NOVA2: variants seen among roughly 807,000 people sequenced by gnomAD.
NOVA2 encodes RNA-binding protein Nova-2.
Under a neutral mutation model 22.5 loss-of-function variants are expected in NOVA2, and 9 were observed. That is an observed-to-expected ratio of 0.40 (90% confidence interval 0.24 to 0.70). The LOEUF (loss-of-function observed/expected upper bound fraction) is 0.70, where lower values mean the gene tolerates loss of function less well. NOVA2 is among the 30% of genes least tolerant of loss of function. The pLI is 0.38. For missense variants in NOVA2, 383 were observed against 682.8 expected (o/e 0.56, Z 4.89); for synonymous variants, 318 against 335.2 (o/e 0.95, Z 0.56).
chr19:45,955,912 C>T (rs973019779), intron 2 of NOVA2, among the ~76,000 whole-genome samples: 1 of 152,080 alleles, frequency 6.6e-6, no homozygotes, highest in Non-Finnish European at 1.5e-5. Context: ...GTGCACCAGG[C>T]ACCGTGTGGC....
At chr19:45,947,508 C>A (rs1967859855) in intron 3 of NOVA2, among the ~76,000 whole-genome samples, 1 of 149,776 alleles carries the variant, frequency 6.7e-6, no homozygotes, top group Non-Finnish European at 1.5e-5. Context: ...GAGTTTCGCT[C>A]TTTTGCCCAG....
chr19:45,942,674 CAGGATGAAGAAG>C (rs1043388432), intron 3 of NOVA2, among the ~76,000 whole-genome samples: 3 of 152,058 alleles, frequency 2.0e-5, no homozygotes, highest in Non-Finnish European at 4.4e-5. Context: ...GGGAACTCTC[CAGGATGAAGAAG>C]TTGGTCATTT....
intron 1 of NOVA2, chr19:45,967,612 C>T (rs987812353): frequency 6.6e-6 from 1 of 152,210 alleles, no homozygotes; most frequent in South Asian, 2.1e-4. Context: ...CGTCTTTCCC[C>T]TTCTAGTCAC....
In NOVA2 at chr19:45,940,683, G is replaced by A; in HGVS notation, c.659C>T (p.Pro220Leu). 6.2e-7 allele frequency: 1 copy of A among 1,601,482 alleles called. No homozygotes were observed. Among genetic ancestry groups the A allele is most frequent in the Non-Finnish European group, 8.5e-7 (1 of 1,174,944 alleles). The change falls in exon 4 of 4, where the codon CCC (proline) becomes CTC (leucine). Residue 220 changes from proline (P) to leucine (L), a missense_variant. Physicochemically the swap from Pro to Leu is moderately conservative, Grantham distance 98 (BLOSUM62 -3). Around this residue, in one of 2 missense-constraint regions of NOVA2, gnomAD observed 349 missense variants for 578.1 expected, o/e 0.60. Coordinates refer to ENST00000263257, the MANE Select transcript of NOVA2 (RefSeq NM_002516.4). ...GCCGGTGGGGTTGGAGTTGGCCACG[G>A]GGCCTGCCACGTTGGCGTAGCTGAT... Reference protein sequence around the residue: ...LNISYANVAGPVANSNPTGSP... With the variant: ...LNISYANVAGLVANSNPTGSP...
In NOVA2 at chr19:45,938,184, G is replaced by A. The variant is rs1247802782; in HGVS notation, c.*1679C>T. ...CTCAGCTATCCTAGTCTACATGGTT[G>A]TCAGGCCCTGAAATCTCAGTCTGCC... is the stretch of plus-strand genomic sequence containing the variant. On this transcript the variant is annotated 3_prime_UTR_variant, in exon 4 of 4. Coordinates refer to ENST00000263257, the MANE Select transcript of NOVA2 (RefSeq NM_002516.4). 1 of 152,234 alleles carries A rather than the reference G, an allele frequency of 6.6e-6. No individual in the cohort carries two copies. Among genetic ancestry groups the A allele is most frequent in the African/African-American group, 2.4e-5 (1 of 41,398 alleles). The allele number at this position is 152,234 out of a possible 1,614,324, so 9.4% of individuals were successfully genotyped here. A position where few individuals can be genotyped will look rare whatever the true frequency, so the allele number is the denominator to read the frequency against.
At chr19:45,963,465 C>A (rs553881166) in intron 1 of NOVA2, among the ~76,000 whole-genome samples, 2 of 152,232 alleles carry the variant, frequency 1.3e-5, no homozygotes, top group African/African-American at 4.8e-5. Context: ...ACGTGCCCTG[C>A]TCCTTCCCAC....
intron 2 of NOVA2, 130 bp from the exon 3 acceptor site, chr19:45,954,076 C>A: frequency 1.0e-6 from 1 of 991,174 alleles, no homozygotes; most frequent in Non-Finnish European, 1.5e-6. Context: ...ACACGGTGAG[C>A]CTGGGGGAGC....
chr19:45,963,896 C>A (rs1474698111), intron 1 of NOVA2, among the ~76,000 whole-genome samples: 2 of 152,074 alleles, frequency 1.3e-5, no homozygotes, highest in African/African-American at 4.8e-5. Flanking sequence ...GGAAGCTTTC[C>A]TTGAACCCCA....
chr19:45,962,584 T>G (rs188454148), intron 1 of NOVA2: 1 of 152,570 alleles, frequency 6.6e-6, no homozygotes, highest in East Asian at 1.9e-4. Context: ...AGCGGCAGCT[T>G]GTGGAGTTTT....
intron 3 of NOVA2, among the ~76,000 whole-genome samples, chr19:45,942,780 A>G (rs1199325761): frequency 6.6e-6 from 1 of 152,078 alleles, no homozygotes; most frequent in Non-Finnish European, 1.5e-5. Flanking sequence ...AGTCTGATCA[A>G]TCTTAATTCC....
chr19:45,971,237 G>T (rs1968228834), intron 1 of NOVA2, among the ~76,000 whole-genome samples: 1 of 152,162 alleles, frequency 6.6e-6, no homozygotes. Context: ...TCAGTGTTAA[G>T]TTGTGCTGAG....
intron 2 of NOVA2, among the ~76,000 whole-genome samples, chr19:45,956,615 G>A (rs1447382442): frequency 5.3e-5 from 8 of 152,230 alleles, no homozygotes; most frequent in East Asian, 3.9e-4. Flanking sequence ...GATTACAGGC[G>A]TGTGCCACCA....
At chr19:45,967,223 T>C (rs1968178808) in intron 1 of NOVA2, among the ~76,000 whole-genome samples, 1 of 152,116 alleles carries the variant, frequency 6.6e-6, no homozygotes, top group African/African-American at 2.4e-5. Flanking sequence ...TTTATGCACA[T>C]CTTTTCTGTT....
chr19:45,949,544 C>T (rs1349093632), intron 3 of NOVA2, among the ~76,000 whole-genome samples: 2 of 152,144 alleles, frequency 1.3e-5, no homozygotes, highest in Non-Finnish European at 2.9e-5. Context: ...ACCTCTTCCA[C>T]CTCCTAGCTG....
chr19:45,945,192 A>T (rs1470473775), intron 3 of NOVA2, among the ~76,000 whole-genome samples: 1 of 151,866 alleles, frequency 6.6e-6, no homozygotes, highest in East Asian at 1.9e-4. Context: ...CTGTCGTCTC[A>T]GCTACTCAGG....
At chr19:45,966,675 C>T (rs1172243500) in intron 1 of NOVA2, among the ~76,000 whole-genome samples, 2 of 152,078 alleles carry the variant, frequency 1.3e-5, no homozygotes, top group African/African-American at 2.4e-5. Context: ...GTCAGAAGTT[C>T]GAGACCAGCC....
At chr19:45,958,693 A>G (rs1312512486) in intron 2 of NOVA2, among the ~76,000 whole-genome samples, 2 of 152,072 alleles carry the variant, frequency 1.3e-5, no homozygotes, top group East Asian at 3.8e-4. Context: ...ATGCTAACCT[A>G]CTAGGCCCAG....
At chr19:45,947,630 C>A (rs376321129) in intron 3 of NOVA2, among the ~76,000 whole-genome samples, 1 of 151,950 alleles carries the variant, frequency 6.6e-6, no homozygotes, top group East Asian at 1.9e-4. Context: ...CCCACCACCA[C>A]GCCCGGCTAA....
chr19:45,948,971 G>T (rs1967882963), intron 3 of NOVA2, among the ~76,000 whole-genome samples: 1 of 152,110 alleles, frequency 6.6e-6, no homozygotes, highest in Non-Finnish European at 1.5e-5. Context: ...GTAAAGTTTT[G>T]ACACATGCTA....
Sources: allele counts gnomAD v4.1 joint callset (sites outside exome capture counted in the v4.1 genomes callset), GRCh38; gene constraint gnomAD v4.1.1; regional missense constraint gnomAD v4.1.1; transcripts MANE v1.5; gene names NCBI Gene and HGNC (gene_info 2026-07-23, HGNC 2026-07-21).